PTPN3: variants seen among roughly 807,000 people sequenced by gnomAD.
The protein encoded by PTPN3 is protein tyrosine phosphatase non-receptor type 3.
In PTPN3, 96 loss-of-function variants were observed where a neutral mutation model predicts 132.7. That is an observed-to-expected ratio of 0.72 (90% CI 0.61 to 0.86). The LOEUF is 0.86. PTPN3 is among the 40% of genes least tolerant of loss of function. The pLI, the probability that PTPN3 is intolerant of heterozygous loss-of-function variation, is 0.00. For synonymous variants in PTPN3, 398 were observed against 429.0 expected (o/e 0.93, Z 0.89); for missense variants, 1,125 against 1,159.6 (o/e 0.97, Z 0.43).
chr9:109,536,871 A>G, the PTPN3 span, among the ~76,000 whole-genome samples: 1 of 152,196 alleles, frequency 6.6e-6, no homozygotes, highest in Non-Finnish European at 1.5e-5. Context: ...AAGATTGAAT[A>G]TTTTAGTGAT....
At chr9:109,448,192 C>T (rs1844987888) in intron 6 of PTPN3, among the ~76,000 whole-genome samples, 1 of 152,176 alleles carries the variant, frequency 6.6e-6, no homozygotes, top group Non-Finnish European at 1.5e-5. Context: ...CGCTGGTAAC[C>T]TCTGAAGACC....
At chr9:109,434,607 C>A (rs1479292957) in intron 9 of PTPN3, among the ~76,000 whole-genome samples, 1 of 152,206 alleles carries the variant, frequency 6.6e-6, no homozygotes, top group Non-Finnish European at 1.5e-5. Context: ...TATGCTTGAC[C>A]CAGATACTAG....
At chr9:109,449,813 A>G in intron 5 of PTPN3, 1 of 985,368 alleles carries the variant, frequency 1.0e-6, no homozygotes, top group Non-Finnish European at 1.2e-6. Flanking sequence ...AATTGAAACA[A>G]ATCAGTTTCA....
chr9:109,426,914 A>G, intron 12 of PTPN3, 36 bp downstream of exon 12: 1 of 1,562,886 alleles, frequency 6.4e-7, no homozygotes, highest in Non-Finnish European at 8.8e-7. Flanking sequence ...TTTACATCTC[A>G]GCCTAGTGTG....
chr9:109,528,224 T>C, the PTPN3 span, among the ~76,000 whole-genome samples: 1 of 152,214 alleles, frequency 6.6e-6, no homozygotes, highest in South Asian at 2.1e-4. Context: ...CCAAACAATG[T>C]CACGTGGCAA....
chr9:109,484,514 A>G (rs1334157249), intron 1 of PTPN3, among the ~76,000 whole-genome samples: 1 of 152,226 alleles, frequency 6.6e-6, no homozygotes, highest in Non-Finnish European at 1.5e-5. Flanking sequence ...GAAGTGAGGA[A>G]CAGCCACTTG....
chr9:109,457,734 ATC>A (rs1312020767), intron 2 of PTPN3, among the ~76,000 whole-genome samples: 2 of 152,222 alleles, frequency 1.3e-5, no homozygotes, highest in Non-Finnish European at 2.9e-5. Flanking sequence ...CCAGTGGATT[ATC>A]CACAATGAAA....
intron 11 of PTPN3, 82 bp from the exon 12 acceptor site, chr9:109,427,204 T>C (rs1442330812): frequency 7.6e-6 from 11 of 1,440,944 alleles, no homozygotes; most frequent in South Asian, 5.1e-5. Context: ...ATTGGTGAAA[T>C]GAGGTAAGAT....
chr9:109,480,936 A>G (rs1846930077), intron 1 of PTPN3, among the ~76,000 whole-genome samples: 2 of 152,204 alleles, frequency 1.3e-5, no homozygotes, highest in Admixed American at 1.3e-4. Context: ...GCATGGATGC[A>G]TGGTTGGATG....
chr9:109,444,586 TG>T (rs1239222419), intron 7 of PTPN3, among the ~76,000 whole-genome samples: 7 of 152,372 alleles, frequency 4.6e-5, no homozygotes, highest in African/African-American at 1.7e-4. Context: ...TAAGTTAAAA[TG>T]CTAATATTTT....
At chr9:109,517,186 A>G in the PTPN3 span, among the ~76,000 whole-genome samples, 1 of 152,138 alleles carries the variant, frequency 6.6e-6, no homozygotes. Flanking sequence ...AAGAATCCCT[A>G]GATGGACCTA....
chr9:109,380,262 TATC>T (rs1838947274), intron 25 of PTPN3, among the ~76,000 whole-genome samples: 1 of 151,410 alleles, frequency 6.6e-6, no homozygotes, highest in Non-Finnish European at 1.5e-5. Context: ...TCTATCTATC[TATC>T]TAGTTTTCAA....
At chr9:109,530,675 C>T in the PTPN3 span, among the ~76,000 whole-genome samples, 1 of 152,218 alleles carries the variant, frequency 6.6e-6, no homozygotes, top group Non-Finnish European at 1.5e-5. Context: ...TACATTCCCA[C>T]CAGCAGTGCA....
At chr9:109,415,680 G>A (rs929954419) in intron 14 of PTPN3, among the ~76,000 whole-genome samples, 1 of 152,194 alleles carries the variant, frequency 6.6e-6, no homozygotes, top group Non-Finnish European at 1.5e-5. Context: ...GATGGTGGAG[G>A]AGTCAAATGT....
chr9:109,439,232 G>A (rs1044842896), intron 7 of PTPN3, among the ~76,000 whole-genome samples: 1 of 152,084 alleles, frequency 6.6e-6, no homozygotes, highest in African/African-American at 2.4e-5. Flanking sequence ...TGGGACCTGA[G>A]GACATCCATT....
chr9:109,524,432 G>A, the PTPN3 span, among the ~76,000 whole-genome samples: 1 of 152,128 alleles, frequency 6.6e-6, no homozygotes, highest in South Asian at 2.1e-4. Context: ...GCTGGCTCAA[G>A]ACTCACTACT....
At chr9:109,463,098 G>T (rs1045412105) in intron 2 of PTPN3, among the ~76,000 whole-genome samples, 199 bp downstream of exon 2, 3 of 151,342 alleles carry the variant, frequency 2.0e-5, no homozygotes, top group Admixed American at 1.3e-4. Flanking sequence ...ACAGAAGGGC[G>T]GGGGGAAGAC....
At chr9:109,493,651 T>C (rs1847556069) in intron 1 of PTPN3, among the ~76,000 whole-genome samples, 2 of 152,206 alleles carry the variant, frequency 1.3e-5, no homozygotes, top group South Asian at 2.1e-4. Context: ...GGCACACACA[T>C]TCTTTTTTCA....
intron 1 of PTPN3, among the ~76,000 whole-genome samples, chr9:109,471,715 G>C (rs546645969): frequency 6.6e-6 from 1 of 151,276 alleles, no homozygotes; most frequent in Non-Finnish European, 1.5e-5. Context: ...ATGTTGCCCA[G>C]GCTGGCCTCA....
Sources: gnomAD v4.1 joint callset for allele counts (sites outside exome capture counted in the v4.1 genomes callset) on GRCh38, gnomAD v4.1.1 for gene constraint, MANE v1.5 for transcripts, NCBI Gene and HGNC (gene_info 2026-07-23, HGNC 2026-07-21) for gene names.